The following THSD7B variants were observed in gnomAD, a reference collection of about 807,000 sequenced individuals.
THSD7B encodes thrombospondin type-1 domain-containing protein 7B.
THSD7B carries 138 observed loss-of-function variants against 213.6 expected under a neutral mutation model. That is an observed-to-expected ratio of 0.65 (90% CI 0.56 to 0.74). THSD7B has a LOEUF of 0.74. THSD7B is among the 30% of genes least tolerant of loss of function. The pLI is 0.00. For synonymous variants in THSD7B, 742 were observed against 687.0 expected (o/e 1.08, Z -1.25); for missense variants, 1,931 against 1,991.5 (o/e 0.97, Z 0.58).
At chr2:137,595,781 CATGA>C (rs1003504825) in intron 17 of THSD7B, among the ~76,000 whole-genome samples, 6 of 151,840 alleles carry the variant, frequency 4.0e-5, no homozygotes, top group Non-Finnish European at 8.8e-5. Context: ...TTATATCAAT[CATGA>C]ATGATTTATT....
intron 4 of THSD7B, among the ~76,000 whole-genome samples, chr2:137,110,298 A>G (rs1167950336): frequency 6.6e-6 from 1 of 152,148 alleles, no homozygotes; most frequent in Non-Finnish European, 1.5e-5. Context: ...GAAAGAAAGG[A>G]TAAGTGAATG....
chr2:137,047,770 C>T (rs1246142051), intron 2 of THSD7B, among the ~76,000 whole-genome samples: 1 of 152,072 alleles, frequency 6.6e-6, no homozygotes, highest in Non-Finnish European at 1.5e-5. Flanking sequence ...TAAGTAAACA[C>T]ATAATTAGAT....
intron 3 of THSD7B, among the ~76,000 whole-genome samples, chr2:137,092,532 T>A (rs1482546273): frequency 6.6e-6 from 1 of 152,134 alleles, no homozygotes; most frequent in Non-Finnish European, 1.5e-5. Context: ...ATATGGACAT[T>A]TACTATCAAT....
At position 137,094,832 on chromosome 2, in the gene THSD7B, T is replaced by C; in HGVS notation, c.951-41T>C. The C allele has an allele frequency of 1.9e-6, 3 of 1,589,950 alleles. No individual in the cohort carries two copies. The South Asian group carries it at 3.4e-5, about 18-fold the overall frequency. On this transcript the variant is annotated intron_variant, in intron 3 of 27. Transcript: ENST00000409968. ...CACTTTATAATGTTAGTTGCATCCA[T>C]TAATATATGGCCTCCTATTTTCTAC...
intron 1 of THSD7B, among the ~76,000 whole-genome samples, chr2:136,791,501 A>G (rs566166604): frequency 4.5e-4 from 68 of 151,990 alleles, no homozygotes; most frequent in African/African-American, 1.6e-3. Context: ...AGGAAACCCC[A>G]TGCCCATTCA....
chr2:137,501,095 A>T (rs970276696), intron 15 of THSD7B, among the ~76,000 whole-genome samples: 1 of 152,160 alleles, frequency 6.6e-6, no homozygotes, highest in African/African-American at 2.4e-5. Flanking sequence ...TGTGACTTTT[A>T]CTTTAACAGG....
intron 15 of THSD7B, among the ~76,000 whole-genome samples, chr2:137,505,564 G>A (rs1573670728): frequency 6.6e-6 from 1 of 152,216 alleles, no homozygotes; most frequent in East Asian, 1.9e-4. Flanking sequence ...TCTGTGCCAC[G>A]TGATCATGCC....
intron 3 of THSD7B, among the ~76,000 whole-genome samples, chr2:137,087,828 G>A (rs896207854): frequency 6.6e-6 from 1 of 152,106 alleles, no homozygotes; most frequent in Non-Finnish European, 1.5e-5. Flanking sequence ...AACCAAAAGA[G>A]AGCCTGCATA....
chr2:137,461,105 C>T (rs1490639875), intron 15 of THSD7B, among the ~76,000 whole-genome samples: 2 of 151,594 alleles, frequency 1.3e-5, no homozygotes, highest in Non-Finnish European at 2.9e-5. Context: ...CACATTTTTT[C>T]ATTTTATTGT....
intron 2 of THSD7B, among the ~76,000 whole-genome samples, chr2:137,035,577 C>A (rs1686759988): frequency 6.6e-6 from 1 of 150,986 alleles, no homozygotes; most frequent in Non-Finnish European, 1.5e-5. Flanking sequence ...TTTTTTTAAA[C>A]CATTCTATCC....
At chr2:137,300,661 T>C (rs1683576341) in intron 12 of THSD7B, among the ~76,000 whole-genome samples, 1 of 152,268 alleles carries the variant, frequency 6.6e-6, no homozygotes. Flanking sequence ...TTTATACGAA[T>C]TCATGAGAGG....
intron 2 of THSD7B, among the ~76,000 whole-genome samples, chr2:136,911,781 A>G (rs932337549): frequency 1.3e-5 from 2 of 152,224 alleles, no homozygotes; most frequent in East Asian, 3.8e-4. Flanking sequence ...TACTACTACT[A>G]CAAGAGAGCG....
chr2:137,259,615 T>C (rs2105081163), intron 10 of THSD7B, among the ~76,000 whole-genome samples: 1 of 152,324 alleles, frequency 6.6e-6, no homozygotes, highest in South Asian at 2.1e-4. Flanking sequence ...GCAAAAATTT[T>C]CTCCCATTCT....
intron 14 of THSD7B, among the ~76,000 whole-genome samples, chr2:137,424,781 T>A (rs747708172): frequency 6.6e-6 from 1 of 152,144 alleles, no homozygotes; most frequent in African/African-American, 2.4e-5. Context: ...AAAAATATTT[T>A]AAAAAATAGG....
intron 1 of THSD7B, among the ~76,000 whole-genome samples, chr2:136,839,259 C>T (rs1682886520): frequency 6.6e-6 from 1 of 152,166 alleles, no homozygotes; most frequent in Admixed American, 6.5e-5. Context: ...AGGGTCACCC[C>T]TGGCTGGGAA....
At chr2:137,453,608 C>T (rs544876890) in intron 15 of THSD7B, among the ~76,000 whole-genome samples, 51 of 152,178 alleles carry the variant, frequency 3.4e-4, no homozygotes, top group African/African-American at 1.1e-3. Context: ...GGATTACAGG[C>T]GTGAGCTACT....
rs1014235206 is a variant in THSD7B at position 137,618,445 on chromosome 2, A to C, written c.3619A>C (p.Thr1207Pro). Residue 1207 changes from threonine (T) to proline (P), a missense_variant, in exon 19 of 28, where the codon ACC becomes CCC. By Grantham distance (38) the Thr-to-Pro change is conservative (BLOSUM62 -1). Transcript: ENST00000409968. Reference sequence around the variant, plus strand: ...CGCACCCTGTGGTCAAGGCGTCAGGACCCGCCTGCTAAGCTGTGTGTGCAG... The same window carrying C: ...CGCACCCTGTGGTCAAGGCGTCAGGCCCCGCCTGCTAAGCTGTGTGTGCAG... ...ENAPCGQGVR[T>P]RLLSCVCSDG... 21 of 1,613,662 alleles carry C rather than the reference A, an allele frequency of 1.3e-5. No homozygotes were observed. The highest frequency in any genetic ancestry group is 1.5e-5 in the Non-Finnish European group (18 of 1,179,832).
chr2:137,606,706 G>A (rs911526088), intron 17 of THSD7B, among the ~76,000 whole-genome samples: 2 of 151,974 alleles, frequency 1.3e-5, no homozygotes, highest in Non-Finnish European at 1.5e-5. Flanking sequence ...GCAATTTATC[G>A]GCTACTTTGG....
intron 15 of THSD7B, among the ~76,000 whole-genome samples, chr2:137,532,729 G>T (rs9653194): frequency 0.19 from 29,078 of 151,348 alleles, 2,951 homozygotes; most frequent in South Asian, 0.28. Flanking sequence ...TAATCTGCAG[G>T]GCTTTATGAT....
Sources: gnomAD v4.1 joint callset for allele counts (sites outside exome capture counted in the v4.1 genomes callset) on GRCh38, gnomAD v4.1.1 for gene constraint, MANE v1.5 for transcripts, NCBI Gene and HGNC (gene_info 2026-07-23, HGNC 2026-07-21) for gene names.